MAGI2: variants seen among roughly 807,000 people sequenced by gnomAD.
MAGI2 encodes the protein membrane-associated guanylate kinase, WW and PDZ domain-containing protein 2.
MAGI2 carries 35 observed loss-of-function variants against 133.3 expected under a neutral mutation model. The ratio of observed to expected loss-of-function variants is 0.26; its 90% confidence interval spans 0.20 to 0.35. The LOEUF is 0.35. Ranked by LOEUF, MAGI2 falls within the 10% of genes least tolerant of loss-of-function variation. The probability of loss-of-function intolerance (pLI) is 1.00; values close to 1 mark genes in which losing one functional copy is unlikely to be tolerated. For synonymous variants in MAGI2, 729 were observed against 710.6 expected (o/e 1.03, Z -0.41); for missense variants, 1,636 against 1,863.4 (o/e 0.88, Z 2.25).
chr7:78,380,142 A>G (rs1192757144), intron 6 of MAGI2, among the ~76,000 whole-genome samples: 2 of 149,064 alleles, frequency 1.3e-5, no homozygotes, highest in Non-Finnish European at 3.0e-5. Context: ...CTCTAGGGAC[A>G]ACACACACAC....
chr7:78,926,509 A>G (rs1003235512), intron 2 of MAGI2, among the ~76,000 whole-genome samples: 1 of 151,988 alleles, frequency 6.6e-6, no homozygotes, highest in Non-Finnish European at 1.5e-5. Flanking sequence ...TATGCCATCC[A>G]TACAGTTCCT....
chr7:78,212,798 C>T (rs1032644137), intron 10 of MAGI2, among the ~76,000 whole-genome samples: 1 of 152,148 alleles, frequency 6.6e-6, no homozygotes, highest in Non-Finnish European at 1.5e-5. Flanking sequence ...GCACCTCAGC[C>T]TCTCAAGTAG....
chr7:79,111,889 G>C (rs544355168), intron 1 of MAGI2, among the ~76,000 whole-genome samples: 20 of 151,838 alleles, frequency 1.3e-4, no homozygotes, highest in Non-Finnish European at 2.4e-4. Flanking sequence ...GGATGGTCTT[G>C]ATCTCCTGAC....
intron 2 of MAGI2, among the ~76,000 whole-genome samples, chr7:78,887,009 C>T (rs868310707): frequency 3.9e-5 from 6 of 152,108 alleles, no homozygotes; most frequent in Non-Finnish European, 7.4e-5. Flanking sequence ...TCCTTCTTGT[C>T]CCCATGTGAG....
chr7:78,127,434 G>A lies in MAGI2; in HGVS notation c.3204-18C>T, dbSNP rs112251770. ...ACCTGTAACTAAATCAATGGAAATG[G>A]GATTTGCTTTTGTAACTCTGCATTC... is the stretch of plus-strand genomic sequence containing the variant. On this transcript the variant is annotated intron_variant, in intron 18 of 21. Transcript: ENST00000354212. The A allele has an allele frequency of 4.8e-5, 76 of 1,583,582 alleles. No homozygotes were observed. Among genetic ancestry groups the A allele is most frequent in the African/African-American group, 3.8e-4 (28 of 74,604 alleles).
intron 1 of MAGI2, among the ~76,000 whole-genome samples, chr7:79,055,341 G>A (rs983652557): frequency 3.3e-5 from 5 of 151,662 alleles, no homozygotes; most frequent in African/African-American, 7.3e-5. Flanking sequence ...TGTGTCTGGC[G>A]CATAATATGT....
intron 2 of MAGI2, among the ~76,000 whole-genome samples, chr7:78,890,678 A>G (rs936890444): frequency 2.0e-5 from 3 of 152,178 alleles, no homozygotes; most frequent in Admixed American, 2.0e-4. Context: ...TTTGAAACCA[A>G]TGAGAACAAA....
At chr7:78,468,849 C>G (rs927111229) in intron 6 of MAGI2, among the ~76,000 whole-genome samples, 1 of 152,132 alleles carries the variant, frequency 6.6e-6, no homozygotes, top group Non-Finnish European at 1.5e-5. Flanking sequence ...AGAGGTGACA[C>G]AAGTTTAGCC....
At chr7:78,055,311 T>A (rs539197024) in intron 21 of MAGI2, among the ~76,000 whole-genome samples, 1 of 152,370 alleles carries the variant, frequency 6.6e-6, no homozygotes, top group African/African-American at 2.4e-5. Context: ...TTGCAATGTT[T>A]ACATTTACAT....
intron 9 of MAGI2, among the ~76,000 whole-genome samples, chr7:78,339,326 A>C (rs1326413859): frequency 6.6e-6 from 1 of 152,224 alleles, no homozygotes; most frequent in East Asian, 1.9e-4. Flanking sequence ...GATTATCTTA[A>C]ATGAAGACAA....
chr7:78,635,137 A>C (rs1809490955), intron 2 of MAGI2, among the ~76,000 whole-genome samples: 1 of 152,202 alleles, frequency 6.6e-6, no homozygotes, highest in South Asian at 2.1e-4. Context: ...AGACATGTCT[A>C]AACAAAATGC....
chr7:78,199,939 T>C (rs904672410), intron 11 of MAGI2, among the ~76,000 whole-genome samples: 2 of 152,206 alleles, frequency 1.3e-5, no homozygotes, highest in Non-Finnish European at 2.9e-5. Context: ...AGGTTCCTTG[T>C]TGAATTAGAT....
intron 2 of MAGI2, among the ~76,000 whole-genome samples, chr7:78,832,628 A>G (rs1474483450): frequency 6.6e-6 from 1 of 152,214 alleles, no homozygotes; most frequent in Non-Finnish European, 1.5e-5. Flanking sequence ...GAGGACCTGC[A>G]TAATCTCATG....
At chr7:78,429,649 C>T (rs117398548) in intron 6 of MAGI2, among the ~76,000 whole-genome samples, 25 of 151,860 alleles carry the variant, frequency 1.6e-4, no homozygotes, top group Non-Finnish European at 3.4e-4. Flanking sequence ...TTATTCAAGA[C>T]GTTTTTTCGA....
chr7:79,213,703 G>C (rs933080626), intron 1 of MAGI2, among the ~76,000 whole-genome samples: 1 of 152,000 alleles, frequency 6.6e-6, no homozygotes, highest in Non-Finnish European at 1.5e-5. Context: ...CATCTCTAAT[G>C]GGACTCTCGC....
chr7:78,066,461 TAAA>T (rs5885038), intron 21 of MAGI2, among the ~76,000 whole-genome samples: 59 of 146,626 alleles, frequency 4.0e-4, no homozygotes, highest in Middle Eastern at 3.5e-3. Flanking sequence ...GACTCTGTCT[TAAA>T]AAAAAAAAAA....
At chr7:78,784,453 G>C (rs953562451) in intron 2 of MAGI2, among the ~76,000 whole-genome samples, 1 of 152,104 alleles carries the variant, frequency 6.6e-6, no homozygotes, top group Non-Finnish European at 1.5e-5. Context: ...ATTAGCCAAA[G>C]CTAGTCATAA....
At chr7:78,604,619 T>C (rs188784095) in intron 3 of MAGI2, among the ~76,000 whole-genome samples, 34 of 152,340 alleles carry the variant, frequency 2.2e-4, no homozygotes, top group African/African-American at 7.9e-4. Flanking sequence ...AGCTTACATT[T>C]ATAATGAAAT....
chr7:79,160,826 C>G (rs2129547713), intron 1 of MAGI2, among the ~76,000 whole-genome samples: 1 of 152,088 alleles, frequency 6.6e-6, no homozygotes, highest in Middle Eastern at 3.4e-3. Context: ...TATATCCTCC[C>G]ATCAAATATG....
Sources: gnomAD v4.1 joint callset for allele counts (sites outside exome capture counted in the v4.1 genomes callset) on GRCh38, gnomAD v4.1.1 for gene constraint, MANE v1.5 for transcripts, NCBI Gene and HGNC (gene_info 2026-07-23, HGNC 2026-07-21) for gene names.